DYM: variants seen among roughly 807,000 people sequenced by gnomAD.
DYM encodes the protein dymeclin.
Under a neutral mutation model 93.1 loss-of-function variants are expected in DYM, and 78 were observed. The ratio of observed to expected loss-of-function variants is 0.84; its 90% CI spans 0.70 to 1.01. The LOEUF is 1.01. Ranked by LOEUF, DYM falls within the 50% of genes least tolerant of loss-of-function variation. The probability of loss-of-function intolerance (pLI) is 0.00; values close to 1 mark genes in which losing one functional copy is unlikely to be tolerated. For missense variants in DYM, 789 were observed against 845.0 expected (o/e 0.93, Z 0.82); for synonymous variants, 321 against 319.7 (o/e 1.00, Z -0.04).
At chr18:49,327,110 C>T (rs977478314) in intron 8 of DYM, among the ~76,000 whole-genome samples, 1 of 148,912 alleles carries the variant, frequency 6.7e-6, no homozygotes, top group Admixed American at 6.7e-5. Context: ...GGAGAAAAAA[C>T]ACAACAAATG....
chr18:49,259,221 G>A (rs981956992), intron 11 of DYM, among the ~76,000 whole-genome samples: 10 of 152,142 alleles, frequency 6.6e-5, no homozygotes, highest in Non-Finnish European at 1.0e-4. Context: ...TGCAGAGGGG[G>A]GAACCCACCA....
intron 7 of DYM, 101 bp from the exon 8 acceptor site, chr18:49,332,107 TACAAAA>T: frequency 6.5e-6 from 8 of 1,226,376 alleles, no homozygotes; most frequent in Non-Finnish European, 9.3e-6. Flanking sequence ...TATCTGTTAA[TACAAAA>T]GGGCTATTGG....
chr18:49,313,064 G>C (rs145592335), intron 8 of DYM, among the ~76,000 whole-genome samples: 5 of 152,274 alleles, frequency 3.3e-5, no homozygotes, highest in Non-Finnish European at 7.4e-5. Flanking sequence ...GGTTAAATAA[G>C]TCCGAGACCT....
intron 2 of DYM, among the ~76,000 whole-genome samples, chr18:49,425,111 G>C (rs922389065): frequency 6.6e-6 from 1 of 152,112 alleles, no homozygotes; most frequent in Non-Finnish European, 1.5e-5. Context: ...AAAGAACAAA[G>C]CTGCAGGCAT....
chr18:49,291,074 G>A (rs937193723), intron 8 of DYM, among the ~76,000 whole-genome samples: 1 of 152,072 alleles, frequency 6.6e-6, no homozygotes, highest in African/African-American at 2.4e-5. Flanking sequence ...TTATATCGAG[G>A]ACCATGGCAA....
intron 8 of DYM, among the ~76,000 whole-genome samples, chr18:49,302,428 C>T (rs1033767524): frequency 3.3e-5 from 5 of 152,158 alleles, no homozygotes; most frequent in African/African-American, 7.2e-5. Flanking sequence ...AAAAATTTTA[C>T]TTAATTTTAT....
At chr18:49,133,260 TCC>T (rs1417925145) in intron 15 of DYM, among the ~76,000 whole-genome samples, 1 of 152,178 alleles carries the variant, frequency 6.6e-6, no homozygotes. Context: ...TAGAAATTTA[TCC>T]TAAGGAAATA....
chr18:49,309,699 T>G (rs2061477003), intron 8 of DYM, among the ~76,000 whole-genome samples: 1 of 152,216 alleles, frequency 6.6e-6, no homozygotes, highest in Admixed American at 6.5e-5. Flanking sequence ...ATAAAGTACA[T>G]AATCAATACA....
intron 17 of DYM, among the ~76,000 whole-genome samples, chr18:49,054,643 G>A (rs2075313819): frequency 6.6e-6 from 1 of 152,170 alleles, no homozygotes; most frequent in Admixed American, 6.5e-5. Flanking sequence ...CATGAGAGTG[G>A]CTCAAAAGAC....
At chr18:49,205,242 G>T (rs559972640) in intron 14 of DYM, among the ~76,000 whole-genome samples, 30 of 152,186 alleles carry the variant, frequency 2.0e-4, no homozygotes, top group Non-Finnish European at 1.3e-4. Flanking sequence ...GATTACAGGC[G>T]TGAGTCACTG....
chr18:49,081,539 AGG>A (rs369138962), intron 17 of DYM, among the ~76,000 whole-genome samples: 3 of 19,744 alleles, frequency 1.5e-4, no homozygotes, highest in African/African-American at 5.3e-4. Context: ...GAGAGGGGAG[AGG>A]GGAGAGGGGA....
intron 5 of DYM, among the ~76,000 whole-genome samples, chr18:49,375,104 A>C (rs2067369132): frequency 6.6e-6 from 1 of 151,930 alleles, no homozygotes; most frequent in South Asian, 2.1e-4. Context: ...TGAGAAGACA[A>C]GGTAAACATT....
chr18:49,111,009 T>A (rs1293011896), intron 16 of DYM, among the ~76,000 whole-genome samples: 1 of 152,178 alleles, frequency 6.6e-6, no homozygotes, highest in African/African-American at 2.4e-5. Context: ...CTGTCACATG[T>A]TTTTTACTTC....
At chr18:49,160,385 T>C (rs1312092613) in intron 15 of DYM, among the ~76,000 whole-genome samples, 2 of 152,204 alleles carry the variant, frequency 1.3e-5, no homozygotes, top group African/African-American at 2.4e-5. Context: ...CTCAACTGAT[T>C]TGTGAATTAT....
At chr18:49,206,146 G>A (rs1181806383) in intron 14 of DYM, among the ~76,000 whole-genome samples, 1 of 151,752 alleles carries the variant, frequency 6.6e-6, no homozygotes, top group Non-Finnish European at 1.5e-5. Flanking sequence ...CTACAAGCGT[G>A]TGCCACCACT....
At chr18:49,055,281 C>G (rs2144497115) in intron 17 of DYM, among the ~76,000 whole-genome samples, 1 of 152,186 alleles carries the variant, frequency 6.6e-6, no homozygotes, top group South Asian at 2.1e-4. Flanking sequence ...GGCACGGAGG[C>G]AGCCTTGAGG....
At chr18:49,252,334 A>G (rs1004980174) in intron 13 of DYM, among the ~76,000 whole-genome samples, 19 of 151,008 alleles carry the variant, frequency 1.3e-4, no homozygotes, top group Non-Finnish European at 2.2e-4. Context: ...AACTTACATC[A>G]TGGTGGAAGG....
At chr18:49,289,727 GTATA>G (rs386387632) in intron 8 of DYM, among the ~76,000 whole-genome samples, 3,989 of 84,604 alleles carry the variant, frequency 0.047, 167 homozygotes, top group African/African-American at 0.058. Flanking sequence ...ATATATATGT[GTATA>G]TATATATATA....
chr18:49,316,522 T>A (rs2061952166), intron 8 of DYM, among the ~76,000 whole-genome samples: 2 of 152,140 alleles, frequency 1.3e-5, no homozygotes, highest in African/African-American at 2.4e-5. Flanking sequence ...ACCATCTAAA[T>A]GCACATAAGA....
Sources: gnomAD v4.1 joint callset for allele counts (sites outside exome capture counted in the v4.1 genomes callset) on GRCh38, gnomAD v4.1.1 for gene constraint, MANE v1.5 for transcripts, NCBI Gene and HGNC (gene_info 2026-07-23, HGNC 2026-07-21) for gene names.